PRSS38: variants seen among roughly 807,000 people sequenced by gnomAD.
PRSS38 encodes the protein serine protease 38.
In PRSS38, 22 loss-of-function variants were observed where a neutral mutation model predicts 26.8. The observed-to-expected ratio is 0.82, with a 90% confidence interval of 0.59 to 1.17. The LOEUF (loss-of-function observed/expected upper bound fraction) is 1.17, where lower values mean the gene tolerates loss of function less well. Ranked by LOEUF, PRSS38 falls within the 50% of genes most tolerant of loss-of-function variation. PRSS38 has a pLI of 0.00. For synonymous variants in PRSS38, 175 were observed against 172.1 expected (o/e 1.02, Z -0.13); for missense variants, 427 against 422.7 (o/e 1.01, Z -0.09).
intron 3 of PRSS38, among the ~76,000 whole-genome samples, chr1:227,831,868 G>T (rs1665158141): frequency 1.3e-5 from 2 of 151,964 alleles, no homozygotes; most frequent in Admixed American, 6.6e-5. Context: ...AAGAAAGAAA[G>T]AAAAAGAAAA....
intron 3 of PRSS38, among the ~76,000 whole-genome samples, chr1:227,833,057 A>T (rs748023087): frequency 6.6e-6 from 1 of 152,234 alleles, no homozygotes; most frequent in Non-Finnish European, 1.5e-5. Context: ...ATGCAAAGAC[A>T]GCTGATGTTC....
chr1:227,828,867 C>T (rs1416797813), intron 3 of PRSS38, among the ~76,000 whole-genome samples: 2 of 152,168 alleles, frequency 1.3e-5, no homozygotes, highest in African/African-American at 4.8e-5. Flanking sequence ...TCTGTCAGGA[C>T]TCCACACAGC....
chr1:227,824,409 T>A (rs1030924669), intron 3 of PRSS38, among the ~76,000 whole-genome samples: 1 of 152,236 alleles, frequency 6.6e-6, no homozygotes, highest in Non-Finnish European at 1.5e-5. Context: ...ATCTCATTTT[T>A]TCATGGCTGC....
intron 3 of PRSS38, among the ~76,000 whole-genome samples, chr1:227,844,821 ACCATGGGCAGTGGGGCTCC>A (rs1665394635): frequency 9.7e-6 from 1 of 102,664 alleles, no homozygotes; most frequent in Non-Finnish European, 2.0e-5. Context: ...GGGACTCCTC[ACCATGGGCAGTGGGGCTCC>A]TCCCTATGTG....
In PRSS38 at chr1:227,836,458, C is replaced by G. The variant is rs1348665462; in HGVS notation, c.584-9012C>G. On this transcript the variant is annotated intron_variant, in intron 3 of 4. Coordinates refer to ENST00000366757, the Ensembl canonical transcript of PRSS38. ...ATCCCAGCACTTTGGGAGGCCGAGG[C>G]GGGCGGATCACGAGGTCAGGAGATC... 9.8e-4 allele frequency among the ~76,000 whole-genome samples: 4 copies of G among 4,080 alleles called. 2 individuals carry two copies. The highest frequency in any genetic ancestry group is 7.4e-3 in the East Asian group (4 of 540). 2.7% of individuals were successfully genotyped at this position (4,080 alleles called of 152,430 possible).
At chr1:227,819,628 TGA>T (rs1664972371) in intron 3 of PRSS38, among the ~76,000 whole-genome samples, 1 of 152,234 alleles carries the variant, frequency 6.6e-6, no homozygotes, top group African/African-American at 2.4e-5. Context: ...TCCATTTATT[TGA>T]GTCTTTAATT....
chr1:227,820,746 G>A (rs925849393), intron 3 of PRSS38, among the ~76,000 whole-genome samples: 1 of 152,140 alleles, frequency 6.6e-6, no homozygotes, highest in Non-Finnish European at 1.5e-5. Context: ...AATGAATTAT[G>A]AAGTGTTGCT....
rs537305382 is a variant in PRSS38 at position 227,832,158 on chromosome 1, C to G, written c.584-13312C>G. Among the ~76,000 whole-genome samples the G allele has an allele frequency of 2.0e-5, 3 of 152,218 alleles. No homozygotes were observed. The East Asian group carries it at 5.8e-4, about 29-fold the overall frequency. On this transcript the variant is annotated intron_variant, in intron 3 of 4. Transcript: ENST00000366757. ...TATTTGCACGGATATCTTTTTTCAT[C>G]TTTTCACTTTCAATCTATATATGCC... is the stretch of plus-strand genomic sequence containing the variant.
chr1:227,818,305 T>G (rs1054801520), intron 3 of PRSS38, among the ~76,000 whole-genome samples: 1 of 152,170 alleles, frequency 6.6e-6, no homozygotes, highest in African/African-American at 2.4e-5. Context: ...TTATAGAAAA[T>G]TATTGATTTT....
chr1:227,843,674 T>A (rs907669971), intron 3 of PRSS38, among the ~76,000 whole-genome samples: 3 of 150,822 alleles, frequency 2.0e-5, no homozygotes, highest in Non-Finnish European at 4.4e-5. Flanking sequence ...TGCATTGCAC[T>A]CCAGCCTGGG....
intron 3 of PRSS38, among the ~76,000 whole-genome samples, chr1:227,825,201 G>GT (rs1473341694): frequency 6.6e-6 from 1 of 151,652 alleles, no homozygotes; most frequent in East Asian, 1.9e-4. Flanking sequence ...TTATTTTTTT[G>GT]TTTTTTGAGA....
intron 3 of PRSS38, among the ~76,000 whole-genome samples, chr1:227,828,136 C>T (rs773291357): frequency 7.9e-5 from 12 of 152,058 alleles, no homozygotes; most frequent in Non-Finnish European, 1.5e-4. Flanking sequence ...GAGTAAGTGC[C>T]ATGTGGTGAT....
chr1:227,825,005 C>G (rs193286350), intron 3 of PRSS38, among the ~76,000 whole-genome samples: 297 of 152,098 alleles, frequency 2.0e-3, no homozygotes, highest in Non-Finnish European at 3.2e-3. Flanking sequence ...AAATTTTTCT[C>G]CCATTCTGTA....
At chr1:227,833,772 C>T (rs553688978) in intron 3 of PRSS38, among the ~76,000 whole-genome samples, 1 of 152,240 alleles carries the variant, frequency 6.6e-6, no homozygotes, top group African/African-American at 2.4e-5. Context: ...TGAAGTTGGA[C>T]CCTTACTTCA....
rs369775853 is a variant in PRSS38, at chr1:227,830,565, G to A, written c.583+13085G>A. On this transcript the variant is annotated intron_variant, in intron 3 of 4. Transcript: ENST00000366757. Reference sequence around the variant, plus strand: ...GTCACTCAGGCAAGTGCAATAGCGCGATCTCAGCTAACTACAACCTCCGCC... The same window carrying A: ...GTCACTCAGGCAAGTGCAATAGCGCAATCTCAGCTAACTACAACCTCCGCC... Among the ~76,000 whole-genome samples the A allele has an allele frequency of 8.9e-5, 13 of 146,356 alleles. No individual in the cohort carries two copies. The East Asian group carries it at 1.8e-3, about 20-fold the overall frequency.
chr1:227,825,412 G>C (rs899762447), intron 3 of PRSS38, among the ~76,000 whole-genome samples: 3 of 152,102 alleles, frequency 2.0e-5, no homozygotes, highest in Non-Finnish European at 4.4e-5. Flanking sequence ...GGATGGTCTC[G>C]ATCTCCTGAT....
In PRSS38 at chr1:227,823,119, A is replaced by G. The variant is rs188324431; in HGVS notation, c.583+5639A>G. ...ATCCTCCTACCTTGCTGAGTCTCCA[A>G]TGCATATTATTCCACTCTCTGTGTT... On this transcript the variant is annotated intron_variant, in intron 3 of 4. Transcript: ENST00000366757. Among the ~76,000 whole-genome samples, 111 of 148,102 alleles carry G rather than the reference A, an allele frequency of 7.5e-4. 1 individual carries two copies. Among genetic ancestry groups the G allele is most frequent in the South Asian group, 3.9e-3 (18 of 4,564 alleles).
At chr1:227,841,405 C>G (rs905965184) in intron 3 of PRSS38, among the ~76,000 whole-genome samples, 5 of 152,198 alleles carry the variant, frequency 3.3e-5, no homozygotes, top group Non-Finnish European at 7.3e-5. Flanking sequence ...CACCGCACCT[C>G]GATGAGAGGA....
chr1:227,832,164 A>G (rs1016198330), intron 3 of PRSS38, among the ~76,000 whole-genome samples: 10 of 151,992 alleles, frequency 6.6e-5, no homozygotes, highest in Non-Finnish European at 4.4e-5. Flanking sequence ...TCATCTTTTC[A>G]CTTTCAATCT....
Sources: gnomAD v4.1 joint callset for allele counts (sites outside exome capture counted in the v4.1 genomes callset) on GRCh38, gnomAD v4.1.1 for gene constraint, MANE v1.5 for transcripts, NCBI Gene and HGNC (gene_info 2026-07-23, HGNC 2026-07-21) for gene names.